MCAM: variants seen among roughly 807,000 people sequenced by gnomAD.
The protein encoded by MCAM is melanoma cell adhesion molecule.
MCAM carries 55 observed loss-of-function variants against 79.1 expected under a neutral mutation model. That is an observed-to-expected ratio of 0.70 (90% CI 0.56 to 0.87). The LOEUF is 0.87. Among genes scored for constraint, MCAM ranks in the 40% least tolerant of loss-of-function variants. The pLI is 0.00. For missense variants in MCAM, 745 were observed against 839.8 expected (o/e 0.89, Z 1.40); for synonymous variants, 330 against 339.8 (o/e 0.97, Z 0.32).
Position 119,310,435 on chromosome 11 carries a change from C to T in MCAM, c.1825G>A (p.Val609Ile). 6.2e-7 allele frequency: 1 copy of T among 1,613,928 alleles called. No individual in the cohort carries two copies. The highest frequency in any genetic ancestry group is 8.5e-7 in the Non-Finnish European group (1 of 1,179,850). ...TLPPSRKSELVVEVKSDKLPE... is the reference protein window; with the variant it reads ...TLPPSRKSELIVEVKSDKLPE... ...AGCTTATCTGACTTAACTTCAACTA[C>T]AAGTTCGCTCTTACGAGACGGGGGT... The change falls in exon 15 of 16, where the codon GTA (valine) becomes ATA (isoleucine). Residue 609 changes from valine to isoleucine, a missense_variant. Transcript: ENST00000264036.
chr11:119,310,818 A>G lies in MCAM; in HGVS notation c.1731T>C (p.Ala577=). 1 of 1,614,160 alleles carries G rather than the reference A, an allele frequency of 6.2e-7. No homozygotes were observed. The highest frequency in any genetic ancestry group is 8.5e-7 in the Non-Finnish European group (1 of 1,180,022). Residue 577 remains alanine, a synonymous_variant, in exon 14 of 16, where the codon GCT becomes GCC. Transcript: ENST00000264036. ...VCILVLAVLG[A]VLYFLYKKGK... Reference sequence around the variant, plus strand: ...CCTTCTTATAGAGGAAATAGAGGACAGCGCCCAGCACCGCCAGGACCAGGA... The same window carrying G: ...CCTTCTTATAGAGGAAATAGAGGACGGCGCCCAGCACCGCCAGGACCAGGA...
rs538796210 is a variant in MCAM at position 119,310,960 on chromosome 11, G to A, written c.1646-57C>T. Reference sequence around the variant, plus strand: ...TGCCCCAGGCCACTTCGTCACCATCGTTGGCCCAGCCAGTCCAGGGCCGAC... The same window carrying A: ...TGCCCCAGGCCACTTCGTCACCATCATTGGCCCAGCCAGTCCAGGGCCGAC... On this transcript the variant is annotated intron_variant, in intron 13 of 15. Transcript: ENST00000264036. 152 of 1,613,714 alleles carry A rather than the reference G, an allele frequency of 9.4e-5. No individual in the cohort carries two copies. The African/African-American group carries it at 1.7e-3, about 18-fold the overall frequency.
Position 119,315,109 on chromosome 11 carries a change from G to T in MCAM, c.192+30C>A, listed in dbSNP as rs369855986. The T allele has an allele frequency of 2.5e-6, 4 of 1,612,930 alleles. No individual in the cohort carries two copies. Among genetic ancestry groups the T allele is most frequent in the Non-Finnish European group, 3.4e-6 (4 of 1,179,978 alleles). Reference sequence around the variant, plus strand: ...AAGAGGGGCAGAGTCTCCCTCCCCGGGCTGCTCTTGCAGGAGCCCAAGCAC... The same window carrying T: ...AAGAGGGGCAGAGTCTCCCTCCCCGTGCTGCTCTTGCAGGAGCCCAAGCAC... On this transcript the variant is annotated intron_variant, in intron 2 of 15. Transcript: ENST00000264036. This position sits in a 1 kb window ranked among gnomAD's most constrained non-coding sequence, Gnocchi z 4.4.
Position 119,311,199 on chromosome 11 carries a change from G to A in MCAM, c.1550-14C>T. On this transcript the variant is annotated splice_polypyrimidine_tract_variant and intron_variant, in intron 12 of 15. Coordinates refer to ENST00000264036, the MANE Select transcript of MCAM (RefSeq NM_006500.3). This position sits in a 1 kb window ranked among gnomAD's most constrained non-coding sequence, Gnocchi z 4.4. The stretch of plus-strand genomic sequence containing the variant: ...TGGTTAAATTGACTAGGAGGCAGAG[G>A]GAGGGGTGTTAGGAGAAGCGCAAGT... The A allele has an allele frequency of 3.1e-6, 5 of 1,613,882 alleles. No individual in the cohort carries two copies. The highest frequency in any genetic ancestry group is 4.2e-6 in the Non-Finnish European group (5 of 1,179,768).
rs569708081 is a variant in MCAM, at chr11:119,310,891, G to T, written c.1658C>A (p.Pro553Gln). The T allele has an allele frequency of 1.9e-6, 3 of 1,614,040 alleles. No homozygotes were observed. Among genetic ancestry groups the T allele is most frequent in the Non-Finnish European group, 2.5e-6 (3 of 1,180,036 alleles). ...GACCACGCCCCGGCTCTCCGGCTCC[G>T]GCAGCTTTCTCTCTGCGCCACAAAG... ...ANSTSTERKL[P>Q]EPESRGVVIV... is the part of the protein sequence containing the mutation. The change falls in exon 14 of 16, where the codon CCG becomes CAG. Residue 553 changes from proline to glutamine, a missense_variant. Transcript: ENST00000264036.
In MCAM at chr11:119,311,535, C is replaced by T. The variant is rs555085608; in HGVS notation, c.1402G>A (p.Gly468Ser). The T allele has an allele frequency of 1.1e-4, 174 of 1,614,120 alleles. 2 individuals are homozygous for T. The South Asian group carries it at 1.7e-3, about 16-fold the overall frequency. The change falls in exon 11 of 16, where the codon GGC becomes AGC. Residue 468 changes from glycine (G) to serine (S), a missense_variant. Physicochemically the swap from Gly to Ser is moderately conservative, Grantham distance 56. Transcript: ENST00000264036. This position sits in a 1 kb window ranked among gnomAD's most constrained non-coding sequence, Gnocchi z 4.4. ...CAGATGAGACACCCGCTCACCGTGC[C>T]GTTGACGTTCCAGGAGATGGTGGGC... Reference protein sequence around the residue: ...PRPTISWNVNGTASEQDQDPQ... With the variant: ...PRPTISWNVNSTASEQDQDPQ...
chr11:119,310,777 C>T lies in MCAM; in HGVS notation c.1772G>A (p.Arg591Lys), dbSNP rs766043918. Residue 591 changes from arginine to lysine, a missense_variant, in exon 14 of 16, where the codon AGG becomes AAG. Transcript: ENST00000264036. ...FLYKKGKLPC[R>K]RSGKQEITLP... The stretch of plus-strand genomic sequence containing the variant: ...TTACATCTCCTGCTTCCCTGAGCGC[C>T]TGCACGGCAGCTTGCCCTTCTTATA... 3.1e-6 allele frequency: 5 copies of T among 1,614,096 alleles called. No homozygotes were observed. The highest frequency in any genetic ancestry group is 4.2e-6 in the Non-Finnish European group (5 of 1,180,028).
rs749495120 is a variant in MCAM at position 119,309,176 on chromosome 11, G to C, written c.*710C>G. 1.3e-5 allele frequency: 2 copies of C among 152,212 alleles called. No homozygotes were observed. The highest frequency in any genetic ancestry group is 4.8e-5 in the African/African-American group (2 of 41,394). The allele number at this position is 152,212 out of a possible 1,614,324, so 9.4% of individuals were successfully genotyped here. A position where few individuals can be genotyped will look rare whatever the true frequency, so the allele number is the denominator to read the frequency against. On this transcript the variant is annotated 3_prime_UTR_variant, in exon 16 of 16. Coordinates refer to ENST00000264036, the MANE Select transcript of MCAM (RefSeq NM_006500.3). ...TTTTTAGTAGAGACAGGGTTTCACC[G>C]TGTTAGCCAGGATGGTCTCGTCCTG...
chr11:119,313,327 A>G, intron 5 of MCAM: 1 of 1,307,110 alleles, frequency 7.7e-7, no homozygotes, highest in Non-Finnish European at 1.0e-6. Context: ...AACATTGTAT[A>G]AAAGAAATTG....
Position 119,317,066 on chromosome 11 carries a change from G to C in MCAM, c.36C>G (p.Leu12=), listed in dbSNP as rs1268066657. ...GLPRLVCAFL[L]AACCCCPRVA... Reference sequence around the variant, plus strand: ...CGCGAGGACAGCAGCAGCAGGCGGCGAGCAAGAAGGCGCAGACCAGCCTGG... The same window carrying C: ...CGCGAGGACAGCAGCAGCAGGCGGCCAGCAAGAAGGCGCAGACCAGCCTGG... The change falls in exon 1 of 16, where the codon CTC becomes CTG. Residue 12 remains leucine (L), a synonymous_variant. Transcript: ENST00000264036. The surrounding 1 kb of genome is among the most constrained non-coding windows in gnomAD (Gnocchi z 6.2). The C allele has an allele frequency of 6.5e-7, 1 of 1,535,194 alleles. No individual in the cohort carries two copies. The highest frequency in any genetic ancestry group is 1.2e-5 in the South Asian group (1 of 83,592).
chr11:119,316,757 G>A lies in MCAM; in HGVS notation c.67+278C>T, dbSNP rs1482040949. On this transcript the variant is annotated intron_variant, in intron 1 of 15. Transcript: ENST00000264036. The surrounding 1 kb of genome is among the most constrained non-coding windows in gnomAD (Gnocchi z 4.8). ...CACCTCAGGGACCACCCACCCCCCAGCACCCCGAAAGGCTGAGCTCCACCC... is the reference window on the plus strand; with the variant it reads ...CACCTCAGGGACCACCCACCCCCCAACACCCCGAAAGGCTGAGCTCCACCC... The A allele has an allele frequency of 2.2e-6, 1 of 450,786 alleles. No individual in the cohort carries two copies. The highest frequency in any genetic ancestry group is 4.0e-6 in the Non-Finnish European group (1 of 251,208). 27.9% of individuals were successfully genotyped at this position (450,786 alleles called of 1,614,324 possible). A position where few individuals can be genotyped will look rare whatever the true frequency, so the allele number is the denominator to read the frequency against.
chr11:119,314,452 G>T, intron 5 of MCAM, 37 bp downstream of exon 5: 1 of 1,567,924 alleles, frequency 6.4e-7, no homozygotes. Context: ...TACCACACCT[G>T]GCCCAAGGGT....
At position 119,314,881 on chromosome 11, in the gene MCAM, C is replaced by T; in HGVS notation, c.352G>A (p.Gly118Ser). The change falls in exon 3 of 16, where the codon GGC becomes AGC. Residue 118 changes from glycine (G) to serine (S), a missense_variant. Physicochemically the swap from Gly to Ser is moderately conservative, Grantham distance 56. Transcript: ENST00000264036. ...TACTCCTGGGACCGAGGGCGCTTGC[C>T]CTGGCACAAGAAGATGCGCTCGTCT... ...PQDERIFLCQ[G>S]KRPRSQEYRI... 1 of 1,613,558 alleles carries T rather than the reference C, an allele frequency of 6.2e-7. No homozygotes were observed. The highest frequency in any genetic ancestry group is 8.5e-7 in the Non-Finnish European group (1 of 1,180,040).
chr11:119,312,664 G>GGGTA lies in MCAM; in HGVS notation c.740-20_740-17dup, dbSNP rs200541872. 1,738 of 1,614,152 alleles carry GGGTA rather than the reference G, an allele frequency of 1.1e-3. 16 individuals carry two copies. In the African/African-American group the frequency reaches 0.02, roughly 19 times the overall value. ...TCTGTCGGGTCTGCATAGGCAAAGG[G>GGGTA]GGTAGCTCTTGGCCCATGAGTCAAC... is the stretch of plus-strand genomic sequence containing the variant. On this transcript the variant is annotated splice_polypyrimidine_tract_variant and intron_variant, in intron 6 of 15. Coordinates refer to ENST00000264036, the MANE Select transcript of MCAM (RefSeq NM_006500.3). This position sits in a 1 kb window ranked among gnomAD's most constrained non-coding sequence, Gnocchi z 4.9.
In MCAM at chr11:119,316,267, G is replaced by A. The variant is rs1188073083; in HGVS notation, c.67+768C>T. The A allele has an allele frequency of 6.6e-6, 1 of 152,250 alleles. No homozygotes were observed. The highest frequency in any genetic ancestry group is 1.5e-5 in the Non-Finnish European group (1 of 68,070). 9.4% of individuals were successfully genotyped at this position (152,250 alleles called of 1,614,324 possible). On this transcript the variant is annotated intron_variant, in intron 1 of 15. Coordinates refer to ENST00000264036, the MANE Select transcript of MCAM (RefSeq NM_006500.3). This position sits in a 1 kb window ranked among gnomAD's most constrained non-coding sequence, Gnocchi z 4.8. ...CAGCGGCTGGGACGGCGGAATGGGAGCCAAGAGAAACACGCGACACCGCTG... is the reference window on the plus strand; with the variant it reads ...CAGCGGCTGGGACGGCGGAATGGGAACCAAGAGAAACACGCGACACCGCTG...
chr11:119,315,058 AGAG>A lies in MCAM; in HGVS notation c.193-21_193-19del, dbSNP rs775032713. 6 of 1,609,056 alleles carry A rather than the reference AGAG, an allele frequency of 3.7e-6. No homozygotes were observed. The highest frequency in any genetic ancestry group is 2.7e-5 in the African/African-American group (2 of 74,910). On this transcript the variant is annotated intron_variant, in intron 2 of 15. Transcript: ENST00000264036. The surrounding 1 kb of genome is among the most constrained non-coding windows in gnomAD (Gnocchi z 4.4). The stretch of plus-strand genomic sequence containing the variant: ...TTGTGGACCTAATGGGAGGAGACAC[AGAG>A]GAGGAGAAGGGTCCTGGGCTACAAG...
intron 5 of MCAM, chr11:119,313,928 A>G (rs756560472): frequency 1.7e-5 from 16 of 949,374 alleles, no homozygotes; most frequent in Non-Finnish European, 2.0e-5. Context: ...AGAAGCCTAT[A>G]TCATTCTAGA....
rs143968118 is a variant in MCAM at position 119,311,108 on chromosome 11, C to T, written c.1627G>A (p.Ala543Thr). 161 of 1,614,202 alleles carry T rather than the reference C, an allele frequency of 1.0e-4. 2 individuals carry two copies. In the African/African-American group the frequency reaches 1.9e-3, roughly 19 times the overall value. The change falls in exon 13 of 16, where the codon GCC becomes ACC. Residue 543 changes from alanine to threonine, a missense_variant. By Grantham distance (58) the Ala-to-Thr change is moderately conservative. Transcript: ENST00000264036. This position sits in a 1 kb window ranked among gnomAD's most constrained non-coding sequence, Gnocchi z 4.4. ...STSTASPHTR[A>T]NSTSTERKLP... ...GGCTTACCTGTGGAGGTGCTGTTGG[C>T]TCTGGTATGAGGACTGGCAGTGGAA... is the stretch of plus-strand genomic sequence containing the variant.
chr11:119,317,104 T>C lies in MCAM; in HGVS notation c.-3A>G, dbSNP rs1453424119. ...CAGACCAGCCTGGGAAGCCCCATGC[T>C]TCCCGGCCGGAGGGCGAGAGCCAAG... On this transcript the variant is annotated 5_prime_UTR_variant, in exon 1 of 16. Coordinates refer to ENST00000264036, the MANE Select transcript of MCAM (RefSeq NM_006500.3). The surrounding 1 kb of genome is among the most constrained non-coding windows in gnomAD (Gnocchi z 6.2). 1 of 1,521,126 alleles carries C rather than the reference T, an allele frequency of 6.6e-7. No homozygotes were observed. The highest frequency in any genetic ancestry group is 8.8e-7 in the Non-Finnish European group (1 of 1,138,040). The allele number at this position is 1,521,126 out of a possible 1,614,324, so 94.2% of individuals were successfully genotyped here.
Sources: gnomAD v4.1 joint callset for allele counts on GRCh38, gnomAD v4.1.1 for gene constraint, Gnocchi (gnomAD v3.1) non-coding constraint, MANE v1.5 for transcripts, NCBI Gene and HGNC (gene_info 2026-07-23, HGNC 2026-07-21) for gene names.